The following SLC14A2 variants were observed in gnomAD, a reference collection of about 807,000 sequenced individuals.
The protein encoded by SLC14A2 is solute carrier family 14 member 2, also known as urea transporter 2.
Under a neutral mutation model 104.6 loss-of-function variants are expected in SLC14A2, and 91 were observed. The ratio of observed to expected loss-of-function variants is 0.87; its 90% CI spans 0.73 to 1.04. SLC14A2 has a LOEUF of 1.04. Among genes scored for constraint, SLC14A2 ranks in the 50% least tolerant of loss-of-function variants. SLC14A2 has a pLI of 0.00. For missense variants in SLC14A2, 1,189 were observed against 1,156.0 expected, an observed-to-expected ratio of 1.03 and a Z score of -0.41; for synonymous variants, 476 against 466.4, an observed-to-expected ratio of 1.02 and a Z score of -0.27.
rs531454831 is a variant in SLC14A2, at chr18:45,633,528, G to A, written c.650+1050G>A. Among the ~76,000 whole-genome samples, 4 of 152,320 alleles carry A rather than the reference G, an allele frequency of 2.6e-5. No homozygotes were observed. The South Asian group carries it at 6.2e-4, about 24-fold the overall frequency. ...ATTCACACAATGATTCTTAGTTCAC[G>A]TAAATTTACAGCAGGTCTATCAAGC... On this transcript the variant is annotated intron_variant, in intron 5 of 19. Transcript: ENST00000255226.
chr18:45,268,251 T>C (rs911900516), intron 1 of SLC14A2, among the ~76,000 whole-genome samples: 2 of 152,202 alleles, frequency 1.3e-5, no homozygotes, highest in Non-Finnish European at 2.9e-5. Context: ...TTAACACAAA[T>C]ATATGTCTAA....
the SLC14A2 span, among the ~76,000 whole-genome samples, chr18:45,169,689 A>T: frequency 1.3e-5 from 2 of 152,128 alleles, no homozygotes; most frequent in Non-Finnish European, 2.9e-5. Flanking sequence ...CATCCAGAAA[A>T]CCCTGCTCCA....
rs2045246323 is a variant in SLC14A2 at position 45,625,710 on chromosome 18, C to G, written c.178C>G (p.His60Asp). 4 of 1,560,488 alleles carry G rather than the reference C, an allele frequency of 2.6e-6. No individual in the cohort carries two copies. In the South Asian group the frequency reaches 3.7e-5, roughly 15 times the overall value. The change falls in exon 3 of 20, where the codon CAC (histidine) becomes GAC (aspartate). Residue 60 changes from histidine to aspartate, a missense_variant. His to Asp is a moderately conservative substitution (Grantham distance 81). Transcript: ENST00000255226. ...TCTCCGGTCTTCCAATGAAGACAGT[C>G]ACATTGTGAAGATCGAAAAGCTCAA... ...KDLRSSNEDS[H>D]IVKIEKLNER...
At chr18:45,418,769 G>A (rs1278650489) in intron 1 of SLC14A2, among the ~76,000 whole-genome samples, 2 of 152,164 alleles carry the variant, frequency 1.3e-5, no homozygotes, top group Non-Finnish European at 2.9e-5. Context: ...CATTTTAGAA[G>A]TTGTTTCATC....
intron 1 of SLC14A2, among the ~76,000 whole-genome samples, chr18:45,397,470 A>G (rs1157041856): frequency 1.3e-5 from 2 of 152,070 alleles, no homozygotes; most frequent in East Asian, 3.8e-4. Context: ...CTTCCTTTGA[A>G]AAGTGTCTGT....
intron 1 of SLC14A2, among the ~76,000 whole-genome samples, chr18:45,472,235 C>T (rs573015355): frequency 3.9e-5 from 6 of 152,250 alleles, no homozygotes; most frequent in South Asian, 2.1e-4. Flanking sequence ...CATAGTATTC[C>T]GTGGTGTATT....
chr18:45,239,608 A>G (rs554555147), intron 1 of SLC14A2, among the ~76,000 whole-genome samples: 2 of 152,380 alleles, frequency 1.3e-5, no homozygotes, highest in South Asian at 2.1e-4. Context: ...GTAAAAGATC[A>G]TAGACAAAAA....
At chr18:45,524,998 A>C (rs2043572404) in intron 2 of SLC14A2, among the ~76,000 whole-genome samples, 1 of 152,218 alleles carries the variant, frequency 6.6e-6, no homozygotes, top group Non-Finnish European at 1.5e-5. Flanking sequence ...CTACAGGGAT[A>C]ATATAGAAAG....
At chr18:45,488,961 C>T (rs2087666778) in intron 2 of SLC14A2, among the ~76,000 whole-genome samples, 1 of 152,206 alleles carries the variant, frequency 6.6e-6, no homozygotes, top group Non-Finnish European at 1.5e-5. Context: ...TTCCACACAT[C>T]CAGGCTGCAA....
At chr18:45,238,861 A>G (rs1300164899) in intron 1 of SLC14A2, among the ~76,000 whole-genome samples, 1 of 152,168 alleles carries the variant, frequency 6.6e-6, no homozygotes, top group African/African-American at 2.4e-5. Context: ...TTTTAAAAAT[A>G]AAATACTCAA....
chr18:45,371,760 A>G (rs374437081), intron 1 of SLC14A2, among the ~76,000 whole-genome samples: 9 of 152,320 alleles, frequency 5.9e-5, no homozygotes, highest in East Asian at 5.8e-4. Context: ...GCCAGTTGTA[A>G]ATGTTTGTTG....
chr18:45,640,154 T>C (rs9962636), intron 7 of SLC14A2, among the ~76,000 whole-genome samples: 2,639 of 151,976 alleles, frequency 0.017, 88 homozygotes, highest in African/African-American at 0.061. Context: ...TGGGCACCCA[T>C]AATCCCAGCT....
At chr18:45,602,152 G>A (rs2044799937) in intron 2 of SLC14A2, among the ~76,000 whole-genome samples, 1 of 152,248 alleles carries the variant, frequency 6.6e-6, no homozygotes, top group African/African-American at 2.4e-5. Flanking sequence ...GGCCATGGAT[G>A]AGCCATACAA....
intron 2 of SLC14A2, among the ~76,000 whole-genome samples, chr18:45,504,957 T>C (rs890389858): frequency 6.6e-6 from 1 of 152,188 alleles, no homozygotes; most frequent in African/African-American, 2.4e-5. Flanking sequence ...CCTCTTGATT[T>C]GATGAGATGG....
intron 4 of SLC14A2, among the ~76,000 whole-genome samples, chr18:45,628,790 G>GGAGA (rs2045301511): frequency 6.6e-6 from 1 of 152,014 alleles, no homozygotes; most frequent in African/African-American, 2.4e-5. Context: ...TGTGTGCGTG[G>GGAGA]GAGAGAAAGA....
chr18:45,458,834 G>A (rs552637598), intron 1 of SLC14A2, among the ~76,000 whole-genome samples: 8 of 152,222 alleles, frequency 5.3e-5, no homozygotes, highest in African/African-American at 1.4e-4. Flanking sequence ...ACAGACACCC[G>A]GATGAAACTT....
intron 1 of SLC14A2, among the ~76,000 whole-genome samples, chr18:45,221,927 T>C (rs2084066387): frequency 6.6e-6 from 1 of 151,928 alleles, no homozygotes; most frequent in African/African-American, 2.4e-5. Context: ...AGAGTACACA[T>C]CCTCAAAATA....
chr18:45,471,958 A>T (rs916192249), intron 1 of SLC14A2, among the ~76,000 whole-genome samples: 2 of 152,054 alleles, frequency 1.3e-5, no homozygotes, highest in African/African-American at 4.8e-5. Context: ...TACACGTGCC[A>T]TGGTGGTTTG....
the SLC14A2 span, among the ~76,000 whole-genome samples, chr18:45,199,484 A>C: frequency 6.6e-6 from 1 of 152,050 alleles, no homozygotes; most frequent in South Asian, 2.1e-4. Context: ...TTACAATTTC[A>C]TTAATTGTGT....
Sources: gnomAD v4.1 joint callset for allele counts (sites outside exome capture counted in the v4.1 genomes callset) on GRCh38, gnomAD v4.1.1 for gene constraint, MANE v1.5 for transcripts, NCBI Gene and HGNC (gene_info 2026-07-23, HGNC 2026-07-21) for gene names.